The following BRINP1 variants were observed in gnomAD, a reference collection of about 807,000 sequenced individuals.
BRINP1 encodes the protein BMP/retinoic acid inducible neural specific 1, also known as BMP/retinoic acid-inducible neural-specific protein 1.
In BRINP1, 17 loss-of-function variants were observed where a neutral mutation model predicts 72.9. The observed-to-expected ratio is 0.23, with a 90% CI of 0.16 to 0.35. The LOEUF (loss-of-function observed/expected upper bound fraction) is 0.35. Ranked by LOEUF, BRINP1 falls within the 10% of genes least tolerant of loss-of-function variation. The pLI is 1.00. For synonymous variants in BRINP1, 418 were observed against 378.5 expected (o/e 1.10, Z -1.21); for missense variants, 850 against 1,001.6 (o/e 0.85, Z 2.04).
At chr9:119,184,884 T>A (rs1829599109) in intron 7 of BRINP1, among the ~76,000 whole-genome samples, 1 of 152,186 alleles carries the variant, frequency 6.6e-6, no homozygotes, top group Non-Finnish European at 1.5e-5. Context: ...AACAGGCCTA[T>A]AACATCTTAC....
intron 7 of BRINP1, among the ~76,000 whole-genome samples, chr9:119,168,792 G>A (rs1829354796): frequency 6.6e-6 from 1 of 152,116 alleles, no homozygotes; most frequent in Non-Finnish European, 1.5e-5. Context: ...TGATCCTCAT[G>A]GTGGTTTTTT....
At chr9:119,218,504 C>A (rs182117273) in intron 5 of BRINP1, among the ~76,000 whole-genome samples, 2 of 151,938 alleles carry the variant, frequency 1.3e-5, no homozygotes, top group Admixed American at 6.6e-5. Context: ...TGACTTTGAA[C>A]TTTAAACGCT....
intron 5 of BRINP1, among the ~76,000 whole-genome samples, chr9:119,223,758 TTC>T (rs1488949027): frequency 2.6e-5 from 4 of 152,068 alleles, no homozygotes; most frequent in African/African-American, 9.7e-5. Context: ...AACCTGTATC[TTC>T]TTTCACAATA....
At chr9:119,218,963 T>A (rs1369418711) in intron 5 of BRINP1, among the ~76,000 whole-genome samples, 3 of 152,036 alleles carry the variant, frequency 2.0e-5, no homozygotes, top group African/African-American at 7.2e-5. Context: ...TAGGTTTAGA[T>A]GAGGTCATGT....
At chr9:119,252,649 T>C (rs931212167) in intron 2 of BRINP1, among the ~76,000 whole-genome samples, 3 of 152,036 alleles carry the variant, frequency 2.0e-5, no homozygotes, top group Non-Finnish European at 2.9e-5. Context: ...AAAATTAATA[T>C]TTATTTCACA....
At chr9:119,233,026 T>A (rs911417800) in intron 5 of BRINP1, among the ~76,000 whole-genome samples, 3 of 151,896 alleles carry the variant, frequency 2.0e-5, no homozygotes, top group Non-Finnish European at 4.4e-5. Context: ...TTCTTTCTTT[T>A]TTTTTTTCTA....
intron 6 of BRINP1, among the ~76,000 whole-genome samples, chr9:119,213,016 C>T (rs1270949476): frequency 4.0e-5 from 6 of 150,612 alleles, no homozygotes; most frequent in African/African-American, 1.5e-4. Context: ...CCAGTTTTTA[C>T]AACTTGTACC....
chr9:119,208,620 C>G (rs1435648168), intron 7 of BRINP1, 99 bp downstream of exon 7: 1 of 1,272,960 alleles, frequency 7.9e-7, no homozygotes, highest in African/African-American at 1.5e-5. Flanking sequence ...TTTGCCACCC[C>G]ACAAATGCAC....
At chr9:119,318,550 A>G (rs1295089160) in intron 1 of BRINP1, among the ~76,000 whole-genome samples, 1 of 152,020 alleles carries the variant, frequency 6.6e-6, no homozygotes, top group Non-Finnish European at 1.5e-5. Context: ...ACAAATCCGT[A>G]CATGTTGAGT....
rs370291585 is a variant in BRINP1, at chr9:119,316,680, A to T, written c.-50-3275T>A. Among the ~76,000 whole-genome samples, 5 of 152,250 alleles carry T rather than the reference A, an allele frequency of 3.3e-5. No individual in the cohort carries two copies. The East Asian group carries it at 9.7e-4, about 30-fold the overall frequency. ...TGAATATTTTAAGGCCATTATCCAGAACTACTGTGCAGAAAAAAAGATTCC... is the reference window on the plus strand; with the variant it reads ...TGAATATTTTAAGGCCATTATCCAGTACTACTGTGCAGAAAAAAAGATTCC... On this transcript the variant is annotated intron_variant, in intron 1 of 7. Coordinates refer to ENST00000265922, the MANE Select transcript of BRINP1 (RefSeq NM_014618.3).
intron 1 of BRINP1, among the ~76,000 whole-genome samples, chr9:119,319,915 T>C (rs1043674288): frequency 1.3e-5 from 2 of 152,066 alleles, no homozygotes; most frequent in Non-Finnish European, 2.9e-5. Flanking sequence ...CAAAATATAA[T>C]GGGGGAGTCA....
At position 119,285,021 on chromosome 9, in the gene BRINP1, C is replaced by T. The variant is rs114635511; in HGVS notation, c.218+28117G>A. On this transcript the variant is annotated intron_variant, in intron 2 of 7. Coordinates refer to ENST00000265922, the MANE Select transcript of BRINP1 (RefSeq NM_014618.3). ...CTGGTGAGGAAAAAGAGCATCTTTA[C>T]GTTAATTTATGACGGAGTTTTTGAA... 8.0e-3 allele frequency among the ~76,000 whole-genome samples: 1,224 copies of T among 152,136 alleles called. 13 individuals are homozygous for T. The highest frequency in any genetic ancestry group is 0.028 in the African/African-American group (1,182 of 41,500).
chr9:119,367,219 T>TATATATATATATATATATATATATATA (rs1219045184), intron 1 of BRINP1, among the ~76,000 whole-genome samples: 12 of 56,500 alleles, frequency 2.1e-4, no homozygotes, highest in Non-Finnish European at 3.5e-4. Context: ...GTGTGTGTGA[T>TATATATATATATATATATATATATATA]TGATATATAT....
At chr9:119,261,369 T>TG (rs1298078374) in intron 2 of BRINP1, among the ~76,000 whole-genome samples, 1 of 152,130 alleles carries the variant, frequency 6.6e-6, no homozygotes, top group Non-Finnish European at 1.5e-5. Flanking sequence ...CACAGACACA[T>TG]GTTAGTCCCA....
intron 5 of BRINP1, among the ~76,000 whole-genome samples, chr9:119,228,730 G>A (rs553275950): frequency 2.6e-5 from 4 of 152,160 alleles, no homozygotes; most frequent in Non-Finnish European, 5.9e-5. Flanking sequence ...GATAATCTGC[G>A]TGATTGCGCG....
At chr9:119,284,119 C>T (rs1285238438) in intron 2 of BRINP1, among the ~76,000 whole-genome samples, 1 of 152,186 alleles carries the variant, frequency 6.6e-6, no homozygotes, top group Non-Finnish European at 1.5e-5. Flanking sequence ...TCTCTCCACT[C>T]CCCTCCCATC....
intron 7 of BRINP1, among the ~76,000 whole-genome samples, chr9:119,192,326 G>C (rs1192076452): frequency 6.6e-6 from 1 of 151,866 alleles, no homozygotes; most frequent in African/African-American, 2.4e-5. Flanking sequence ...TACAGACTGA[G>C]AAAAAGTATT....
chr9:119,173,252 T>G (rs954113512), intron 7 of BRINP1, among the ~76,000 whole-genome samples: 56 of 151,146 alleles, frequency 3.7e-4, no homozygotes, highest in African/African-American at 1.3e-3. Flanking sequence ...CAGCCCAAAA[T>G]CTCCTTAAGC....
intron 5 of BRINP1, among the ~76,000 whole-genome samples, chr9:119,235,858 T>G (rs1276879687): frequency 6.6e-6 from 1 of 152,202 alleles, no homozygotes; most frequent in East Asian, 1.9e-4. Flanking sequence ...ACCTAACTGA[T>G]GCTTAAATAA....
Sources: gnomAD v4.1 joint callset for allele counts (sites outside exome capture counted in the v4.1 genomes callset) on GRCh38, gnomAD v4.1.1 for gene constraint, MANE v1.5 for transcripts, NCBI Gene and HGNC (gene_info 2026-07-23, HGNC 2026-07-21) for gene names.